The following CALN1 variants were observed in gnomAD, a reference collection of about 807,000 sequenced individuals.
CALN1 encodes calcium-binding protein 8.
In CALN1, 17 loss-of-function variants were observed where a neutral mutation model predicts 30.6. The ratio of observed to expected loss-of-function variants is 0.56; its 90% CI spans 0.38 to 0.83. The LOEUF (loss-of-function observed/expected upper bound fraction) is 0.83, where lower values mean the gene tolerates loss of function less well. Ranked by LOEUF, CALN1 falls within the 40% of genes least tolerant of loss-of-function variation. The probability of loss-of-function intolerance (pLI) is 0.00; values close to 1 mark genes in which losing one functional copy is unlikely to be tolerated. For synonymous variants in CALN1, 156 were observed against 131.4 expected (o/e 1.19, Z -1.28); for missense variants, 291 against 354.9 (o/e 0.82, Z 1.45).
chr7:72,391,831 T>G (rs1463670437), intron 2 of CALN1, among the ~76,000 whole-genome samples: 1 of 152,182 alleles, frequency 6.6e-6, no homozygotes, highest in Non-Finnish European at 1.5e-5. Flanking sequence ...AACCCTCTTT[T>G]GCTGTATAAA....
chr7:71,924,337 G>C (rs1035001217), intron 5 of CALN1, among the ~76,000 whole-genome samples: 2 of 151,704 alleles, frequency 1.3e-5, no homozygotes, highest in African/African-American at 4.8e-5. Flanking sequence ...CTTCAGACCA[G>C]CCTTTCCAGA....
At chr7:72,371,132 G>C (rs1804218896) in intron 2 of CALN1, among the ~76,000 whole-genome samples, 1 of 151,062 alleles carries the variant, frequency 6.6e-6, no homozygotes, top group African/African-American at 2.4e-5. Context: ...TGCTTTTGGT[G>C]TCCTATTTTT....
intron 1 of CALN1, among the ~76,000 whole-genome samples, 195 bp from the exon 2 acceptor site, chr7:72,403,637 G>C (rs373538916): frequency 6.6e-6 from 1 of 152,204 alleles, no homozygotes; most frequent in African/African-American, 2.4e-5. Context: ...AATGTCACCA[G>C]AGGGTATTGC....
At chr7:72,501,944 TATATA>T in the CALN1 span, among the ~76,000 whole-genome samples, 1 of 79,618 alleles carries the variant, frequency 1.3e-5, no homozygotes, top group African/African-American at 6.7e-5. Context: ...TATATATATA[TATATA>T]CACACATATA....
chr7:72,311,498 A>G (rs1004586118), intron 2 of CALN1, among the ~76,000 whole-genome samples: 1 of 151,344 alleles, frequency 6.6e-6, no homozygotes, highest in Admixed American at 6.6e-5. Flanking sequence ...GTGTGTGTGT[A>G]AGACAAGGTC....
At position 71,945,939 on chromosome 7, in the gene CALN1, G is replaced by A. The variant is rs1009987157; in HGVS notation, c.501+77718C>T. ...GGTGCCAAAAAGGTTGGGGACCGCTGCTCCAGAGTTCAGAGAAGTTAGGGC... is the reference window on the plus strand; with the variant it reads ...GGTGCCAAAAAGGTTGGGGACCGCTACTCCAGAGTTCAGAGAAGTTAGGGC... On this transcript the variant is annotated intron_variant, in intron 5 of 6. Transcript: ENST00000395275. Among the ~76,000 whole-genome samples, 3 of 152,344 alleles carry A rather than the reference G, an allele frequency of 2.0e-5. No homozygotes were observed. In the East Asian group the frequency reaches 5.8e-4, roughly 29 times the overall value.
At chr7:72,384,439 T>G (rs1326923088) in intron 2 of CALN1, among the ~76,000 whole-genome samples, 1 of 152,154 alleles carries the variant, frequency 6.6e-6, no homozygotes, top group East Asian at 1.9e-4. Flanking sequence ...AACCTAAATA[T>G]AGAACTTATA....
At chr7:72,298,178 C>T (rs1051137112) in intron 2 of CALN1, among the ~76,000 whole-genome samples, 3 of 152,196 alleles carry the variant, frequency 2.0e-5, no homozygotes, top group African/African-American at 7.2e-5. Flanking sequence ...CAACATCCCA[C>T]CATCTCAGAA....
chr7:72,304,634 A>G (rs973034406), intron 2 of CALN1, among the ~76,000 whole-genome samples: 1 of 152,132 alleles, frequency 6.6e-6, no homozygotes, highest in African/African-American at 2.4e-5. Flanking sequence ...CTATCTACTT[A>G]TATTTTGTTT....
intron 3 of CALN1, among the ~76,000 whole-genome samples, chr7:72,149,180 TCTTGGCCAGGC>T (rs1413473405): frequency 6.6e-6 from 1 of 151,884 alleles, no homozygotes; most frequent in Non-Finnish European, 1.5e-5. Context: ...AAACCTCTAT[TCTTGGCCAGGC>T]ACAGCGGCTC....
chr7:72,023,144 T>G (rs948310852), intron 5 of CALN1, among the ~76,000 whole-genome samples: 1 of 152,130 alleles, frequency 6.6e-6, no homozygotes, highest in Admixed American at 6.6e-5. Flanking sequence ...CATTATACTT[T>G]AATAATTACA....
intron 2 of CALN1, among the ~76,000 whole-genome samples, chr7:72,394,776 C>T (rs1805806297): frequency 6.6e-6 from 1 of 151,770 alleles, no homozygotes; most frequent in Admixed American, 6.6e-5. Flanking sequence ...ATCCTCCCAC[C>T]TCAGCCTGCT....
At chr7:72,264,772 C>A (rs551169634) in intron 3 of CALN1, among the ~76,000 whole-genome samples, 2 of 152,096 alleles carry the variant, frequency 1.3e-5, no homozygotes, top group Non-Finnish European at 2.9e-5. Context: ...AGGGTTATTT[C>A]GTCACCCAGG....
intron 5 of CALN1, among the ~76,000 whole-genome samples, chr7:72,017,553 T>TC (rs1463606079): frequency 1.3e-5 from 2 of 152,074 alleles, no homozygotes; most frequent in Non-Finnish European, 2.9e-5. Flanking sequence ...GCAGAATGGC[T>TC]CCCTGGACTT....
At chr7:71,965,821 T>C (rs1797503184) in intron 5 of CALN1, among the ~76,000 whole-genome samples, 2 of 152,170 alleles carry the variant, frequency 1.3e-5, no homozygotes, top group African/African-American at 4.8e-5. Context: ...TATCACTCAA[T>C]TGAGTGATTC....
intron 2 of CALN1, among the ~76,000 whole-genome samples, chr7:72,379,443 T>C (rs1018296476): frequency 2.2e-4 from 33 of 152,244 alleles, no homozygotes; most frequent in Non-Finnish European, 4.4e-4. Flanking sequence ...ATGCTCTTCA[T>C]GAATTATCTC....
At chr7:72,172,870 C>G (rs930788889) in intron 3 of CALN1, among the ~76,000 whole-genome samples, 1 of 152,110 alleles carries the variant, frequency 6.6e-6, no homozygotes, top group African/African-American at 2.4e-5. Context: ...AGACTTCCCC[C>G]CTAAAATTGG....
At chr7:72,072,518 C>A (rs1804467916) in intron 4 of CALN1, among the ~76,000 whole-genome samples, 1 of 152,126 alleles carries the variant, frequency 6.6e-6, no homozygotes, top group African/African-American at 2.4e-5. Flanking sequence ...TAAAGGGAGT[C>A]CTTCAGGGTG....
At chr7:72,279,416 G>A (rs1797583465) in intron 2 of CALN1, among the ~76,000 whole-genome samples, 1 of 152,212 alleles carries the variant, frequency 6.6e-6, no homozygotes, top group Non-Finnish European at 1.5e-5. Context: ...TGGTGTGTGA[G>A]CACACACATT....
Sources: gnomAD v4.1 joint callset for allele counts (sites outside exome capture counted in the v4.1 genomes callset) on GRCh38, gnomAD v4.1.1 for gene constraint, MANE v1.5 for transcripts, NCBI Gene and HGNC (gene_info 2026-07-23, HGNC 2026-07-21) for gene names.